The following NEGR1 variants were observed in gnomAD, a reference collection of about 807,000 sequenced individuals.
The protein encoded by NEGR1 is IgLON family member 4.
A neutral mutation model predicts 40.9 loss-of-function variants in NEGR1; 10 were observed. The ratio of observed to expected loss-of-function variants is 0.24; its 90% CI spans 0.15 to 0.42. The LOEUF (loss-of-function observed/expected upper bound fraction) is 0.42, where lower values mean the gene tolerates loss of function less well. Ranked by LOEUF, NEGR1 falls within the 10% of genes least tolerant of loss-of-function variation. NEGR1 has a pLI of 1.00. For synonymous variants in NEGR1, 185 were observed against 166.8 expected (o/e 1.11, Z -0.84); for missense variants, 352 against 438.9 (o/e 0.80, Z 1.77).
At chr1:71,797,427 G>A (rs977604565) in intron 2 of NEGR1, among the ~76,000 whole-genome samples, 3 of 152,110 alleles carry the variant, frequency 2.0e-5, no homozygotes. Flanking sequence ...TAAGGCCACA[G>A]AATTTGCAGT....
intron 1 of NEGR1, among the ~76,000 whole-genome samples, chr1:72,282,020 G>A (rs2100573581): frequency 6.6e-6 from 1 of 152,178 alleles, no homozygotes; most frequent in South Asian, 2.1e-4. Context: ...CAGAGACCTT[G>A]TGCATTGAGT....
intron 1 of NEGR1, among the ~76,000 whole-genome samples, chr1:71,990,919 T>TA (rs142869765): frequency 0.2 from 16,706 of 85,004 alleles, 1,255 homozygotes; most frequent in East Asian, 0.45. Context: ...TATATATATA[T>TA]TTTTTTTTTA....
rs370312326 is a variant in NEGR1 at position 71,868,471 on chromosome 1, A to AT, written c.409+66607_409+66608insA. Among the ~76,000 whole-genome samples the AT allele has an allele frequency of 2.9e-3, 435 of 148,106 alleles. 2 individuals are homozygous for AT. Among genetic ancestry groups the AT allele is most frequent in the African/African-American group, 0.01 (409 of 39,792 alleles). ...GATAGATAGATAGATAGATAGACAGAATACATACATACATACATACATACA... is the reference window on the plus strand; with the variant it reads ...GATAGATAGATAGATAGATAGACAGATATACATACATACATACATACATACA... On this transcript the variant is annotated intron_variant, in intron 2 of 6. Transcript: ENST00000357731.
intron 6 of NEGR1, among the ~76,000 whole-genome samples, chr1:71,412,604 C>A (rs1468799854): frequency 1.3e-5 from 2 of 152,088 alleles, no homozygotes; most frequent in East Asian, 3.9e-4. Flanking sequence ...AATTCAAGAC[C>A]ATTTTGATAG....
chr1:71,942,972 ATATAAG>A (rs1296067983), intron 1 of NEGR1, among the ~76,000 whole-genome samples: 4 of 144,040 alleles, frequency 2.8e-5, no homozygotes, highest in Non-Finnish European at 4.6e-5. Flanking sequence ...TTATATATAT[ATATAAG>A]TATATATGTG....
chr1:72,253,266 A>G (rs929404724), intron 1 of NEGR1, among the ~76,000 whole-genome samples: 2 of 152,164 alleles, frequency 1.3e-5, no homozygotes, highest in Non-Finnish European at 2.9e-5. Context: ...TCTTTTGGAA[A>G]TAGTTGAAGA....
intron 1 of NEGR1, among the ~76,000 whole-genome samples, chr1:72,109,807 G>T (rs1420796812): frequency 1.3e-5 from 2 of 151,544 alleles, no homozygotes; most frequent in Admixed American, 6.6e-5. Context: ...TTTTAAAAAG[G>T]AACAAAAAAT....
intron 4 of NEGR1, among the ~76,000 whole-genome samples, chr1:71,661,352 C>T (rs951740306): frequency 6.6e-5 from 10 of 152,112 alleles, no homozygotes; most frequent in African/African-American, 2.4e-4. Flanking sequence ...TTATAAGGCA[C>T]ATTACAGCAG....
intron 2 of NEGR1, among the ~76,000 whole-genome samples, chr1:71,934,307 T>C (rs1645883572): frequency 6.6e-6 from 1 of 152,172 alleles, no homozygotes; most frequent in Non-Finnish European, 1.5e-5. Flanking sequence ...ACTTATGCTC[T>C]TACATTTTAA....
intron 4 of NEGR1, among the ~76,000 whole-genome samples, chr1:71,612,152 G>T (rs1402849078): frequency 6.6e-6 from 1 of 152,200 alleles, no homozygotes; most frequent in Non-Finnish European, 1.5e-5. Flanking sequence ...AACCCAGGGG[G>T]CAAAGCTTGC....
At chr1:72,230,591 T>TG (rs1401908575) in intron 1 of NEGR1, among the ~76,000 whole-genome samples, 2 of 152,122 alleles carry the variant, frequency 1.3e-5, no homozygotes, top group African/African-American at 4.8e-5. Flanking sequence ...CCTTCTCAAA[T>TG]ACTGCACTTA....
intron 1 of NEGR1, among the ~76,000 whole-genome samples, chr1:72,066,874 T>C (rs1647287798): frequency 6.6e-6 from 1 of 152,060 alleles, no homozygotes; most frequent in South Asian, 2.1e-4. Context: ...TAACTAAAGA[T>C]TGAAAGAGAA....
At chr1:71,737,226 T>G (rs1333126534) in intron 3 of NEGR1, among the ~76,000 whole-genome samples, 6 of 152,224 alleles carry the variant, frequency 3.9e-5, no homozygotes, top group Non-Finnish European at 8.8e-5. Context: ...CCAAAATGTC[T>G]GTTAAACTCT....
At chr1:72,143,530 G>A (rs1433609196) in intron 1 of NEGR1, among the ~76,000 whole-genome samples, 1 of 151,602 alleles carries the variant, frequency 6.6e-6, no homozygotes, top group Non-Finnish European at 1.5e-5. Flanking sequence ...TGAACTCAAT[G>A]GAAATTCCTA....
intron 1 of NEGR1, among the ~76,000 whole-genome samples, chr1:72,172,096 G>A (rs538743410): frequency 6.6e-6 from 1 of 152,260 alleles, no homozygotes; most frequent in African/African-American, 2.4e-5. Flanking sequence ...TCAGCAGTAG[G>A]TGGAAGGATG....
intron 1 of NEGR1, among the ~76,000 whole-genome samples, chr1:71,945,086 T>G (rs1053195176): frequency 2.6e-5 from 4 of 152,160 alleles, no homozygotes; most frequent in Non-Finnish European, 4.4e-5. Flanking sequence ...TAGATCTTAT[T>G]TTTTATTATA....
chr1:71,403,815 T>C lies in NEGR1; in HGVS notation c.*3631A>G. ...TACATCAGGTTATGAAATATGGATG[T>C]TTTACTAAAAGACAGGAAGAGCTTT... is the stretch of plus-strand genomic sequence containing the variant. On this transcript the variant is annotated 3_prime_UTR_variant, in exon 7 of 7. Transcript: ENST00000357731. 1 of 380,494 alleles carries C rather than the reference T, an allele frequency of 2.6e-6. No individual in the cohort carries two copies. 23.6% of individuals were successfully genotyped at this position (380,494 alleles called of 1,614,324 possible).
chr1:71,533,091 C>T (rs895667413), intron 6 of NEGR1, among the ~76,000 whole-genome samples: 2 of 151,496 alleles, frequency 1.3e-5, no homozygotes, highest in Non-Finnish European at 3.0e-5. Flanking sequence ...ACACAACACC[C>T]CATCACTGAC....
chr1:71,601,566 G>A (rs906740821), intron 5 of NEGR1, among the ~76,000 whole-genome samples: 9 of 152,172 alleles, frequency 5.9e-5, no homozygotes, highest in African/African-American at 1.9e-4. Context: ...CTGAGCATCC[G>A]TCAATGGTTG....
Sources: gnomAD v4.1 joint callset for allele counts (sites outside exome capture counted in the v4.1 genomes callset) on GRCh38, gnomAD v4.1.1 for gene constraint, MANE v1.5 for transcripts, NCBI Gene and HGNC (gene_info 2026-07-23, HGNC 2026-07-21) for gene names.